Variants in WDR37 observed in about 807,000 individuals in gnomAD.
WDR37 encodes the protein WD repeat domain 37, also known as WD repeat-containing protein 37.
In WDR37, 19 loss-of-function variants were observed where a neutral mutation model predicts 62.9. That is an observed-to-expected ratio of 0.30 (90% CI 0.21 to 0.44). The LOEUF is 0.44. WDR37 is among the 20% of genes least tolerant of loss of function. WDR37 has a pLI of 1.00. For synonymous variants in WDR37, 250 were observed against 260.9 expected (o/e 0.96, Z 0.40); for missense variants, 474 against 657.6 (o/e 0.72, Z 3.05).
chr10:1,064,772 A>G (rs567748930), intron 1 of WDR37, among the ~76,000 whole-genome samples: 91 of 151,776 alleles, frequency 6.0e-4, no homozygotes, highest in African/African-American at 2.1e-3. Context: ...TTGTATTTTT[A>G]GTAGAGACGG....
chr10:1,072,865 G>A (rs1221061989), intron 2 of WDR37, among the ~76,000 whole-genome samples: 1 of 152,136 alleles, frequency 6.6e-6, no homozygotes, highest in East Asian at 1.9e-4. Context: ...TTTATTCTTT[G>A]TACAGGCTTG....
intron 11 of WDR37, among the ~76,000 whole-genome samples, chr10:1,112,958 G>A (rs1282375060): frequency 1.3e-5 from 2 of 152,234 alleles, no homozygotes; most frequent in African/African-American, 4.8e-5. Context: ...TGGGATCATC[G>A]ATGAAGATGA....
intron 12 of WDR37, among the ~76,000 whole-genome samples, 187 bp from the exon 13 acceptor site, chr10:1,124,723 A>G (rs568113197): frequency 4.0e-5 from 6 of 151,052 alleles, no homozygotes; most frequent in African/African-American, 1.2e-4. Context: ...GGTCTGTGTG[A>G]TCTTGTAGCT....
intron 8 of WDR37, among the ~76,000 whole-genome samples, chr10:1,094,228 G>T (rs191261200): frequency 6.6e-6 from 1 of 152,204 alleles, no homozygotes; most frequent in East Asian, 1.9e-4. Flanking sequence ...TGCTCTTGCA[G>T]CCTAAAAGCA....
At chr10:1,096,027 T>C in intron 8 of WDR37, 143 bp from the exon 9 acceptor site, 1 of 675,822 alleles carries the variant, frequency 1.5e-6, no homozygotes, top group Admixed American at 2.6e-5. Flanking sequence ...AAAAGAGTTA[T>C]TTAAGTAAAA....
chr10:1,117,157 T>G (rs1265153204), intron 11 of WDR37, among the ~76,000 whole-genome samples: 2 of 152,148 alleles, frequency 1.3e-5, no homozygotes, highest in African/African-American at 2.4e-5. Flanking sequence ...TGGGCTCAAG[T>G]GATCCTCCCA....
intron 7 of WDR37, among the ~76,000 whole-genome samples, chr10:1,090,884 T>C (rs902245774): frequency 1.3e-5 from 2 of 152,196 alleles, no homozygotes; most frequent in Non-Finnish European, 2.9e-5. Context: ...CAGGTGCCCA[T>C]GGATTCTGCT....
chr10:1,063,576 G>T (rs1020478674), intron 1 of WDR37, among the ~76,000 whole-genome samples: 1 of 152,212 alleles, frequency 6.6e-6, no homozygotes, highest in Non-Finnish European at 1.5e-5. Context: ...ACTGGCTGAG[G>T]AGTTGGGGTT....
chr10:1,107,971 A>T (rs201594597), intron 11 of WDR37, among the ~76,000 whole-genome samples: 23 of 151,752 alleles, frequency 1.5e-4, no homozygotes, highest in African/African-American at 5.3e-4. Flanking sequence ...ACCTAGGTTC[A>T]CCTGTTGTTG....
chr10:1,096,217 C>T lies in WDR37; in HGVS notation c.697C>T (p.Pro233Ser), dbSNP rs766935923. ...TATCTGGAGATACGCGGTGCAGCTG[C>T]CGACACCCCAGCCTGTTGCTGACAC... ...AHIWRYAVQL[P>S]TPQPVADTSI... The change falls in exon 9 of 14, where the codon CCG becomes TCG. Residue 233 changes from proline (P) to serine (S), a missense_variant. Coordinates refer to ENST00000263150, the MANE Select transcript of WDR37 (RefSeq NM_014023.4). The T allele has an allele frequency of 6.2e-7, 1 of 1,613,998 alleles. No individual in the cohort carries two copies. Among genetic ancestry groups the T allele is most frequent in the African/African-American group, 1.3e-5 (1 of 74,914 alleles).
chr10:1,075,505 A>T (rs896743645), intron 2 of WDR37, among the ~76,000 whole-genome samples: 3 of 141,616 alleles, frequency 2.1e-5, no homozygotes, highest in Non-Finnish European at 4.5e-5. Context: ...AACTACTTTT[A>T]TATTAATATG....
intron 13 of WDR37, among the ~76,000 whole-genome samples, chr10:1,126,473 C>A (rs1294924228): frequency 1.3e-5 from 2 of 152,066 alleles, no homozygotes; most frequent in African/African-American, 2.4e-5. Context: ...TAATGGAGGC[C>A]CCCCCAGAGG....
intron 11 of WDR37, among the ~76,000 whole-genome samples, chr10:1,115,573 A>C (rs971487950): frequency 2.0e-5 from 3 of 152,206 alleles, no homozygotes; most frequent in Admixed American, 1.3e-4. Context: ...TTTTAACTGG[A>C]TGATGGGCAG....
chr10:1,126,265 G>T (rs1355515956), intron 13 of WDR37, among the ~76,000 whole-genome samples: 1 of 151,926 alleles, frequency 6.6e-6, no homozygotes, highest in Non-Finnish European at 1.5e-5. Context: ...AATCAGCCAG[G>T]CGTGGTGGCG....
chr10:1,071,802 T>C (rs1038513619), intron 1 of WDR37, among the ~76,000 whole-genome samples: 7 of 152,158 alleles, frequency 4.6e-5, no homozygotes, highest in African/African-American at 1.2e-4. Context: ...TAACATTGGT[T>C]CCCTCGGGGG....
chr10:1,088,202 C>T (rs1375685134), intron 7 of WDR37, among the ~76,000 whole-genome samples: 2 of 152,192 alleles, frequency 1.3e-5, no homozygotes, highest in East Asian at 1.9e-4. Context: ...CTCAAACTTC[C>T]TGTGTATCGG....
chr10:1,064,583 C>CTTTTTTTTTTTTTTTTTTT (rs71376884), intron 1 of WDR37, among the ~76,000 whole-genome samples: 1 of 70,464 alleles, frequency 1.4e-5, no homozygotes, highest in Non-Finnish European at 2.4e-5. Flanking sequence ...GACAATGGAT[C>CTTTTTTTTTTTTTTTTTTT]TTTTTTTTTT....
intron 1 of WDR37, among the ~76,000 whole-genome samples, chr10:1,064,908 T>C (rs538669517): frequency 1.3e-5 from 2 of 152,258 alleles, no homozygotes; most frequent in South Asian, 4.1e-4. Context: ...CAGTGGATCT[T>C]ATCAGAAATT....
At chr10:1,099,732 G>A (rs1035211049) in intron 9 of WDR37, among the ~76,000 whole-genome samples, 1 of 151,022 alleles carries the variant, frequency 6.6e-6, no homozygotes, top group Admixed American at 6.6e-5. Context: ...TTGATGCTTA[G>A]GAAATTCAGC....
Sources: allele counts gnomAD v4.1 joint callset (sites outside exome capture counted in the v4.1 genomes callset), GRCh38; gene constraint gnomAD v4.1.1; transcripts MANE v1.5; gene names NCBI Gene and HGNC (gene_info 2026-07-23, HGNC 2026-07-21).